Variants in LRRTM4 observed in about 807,000 individuals in gnomAD.
The protein encoded by LRRTM4 is leucine-rich repeat transmembrane neuronal protein 4.
A neutral mutation model predicts 47.6 loss-of-function variants in LRRTM4; 25 were observed. That is an observed-to-expected ratio of 0.53 (90% CI 0.38 to 0.73). LRRTM4 has a LOEUF of 0.73. LRRTM4 is among the 30% of genes least tolerant of loss of function. LRRTM4 has a pLI of 0.00. For missense variants in LRRTM4, 638 were observed against 713.4 expected (o/e 0.89, Z 1.20); for synonymous variants, 311 against 269.5 (o/e 1.15, Z -1.51).
intron 3 of LRRTM4, among the ~76,000 whole-genome samples, chr2:77,125,709 A>G (rs1671636548): frequency 6.6e-6 from 1 of 152,078 alleles, no homozygotes; most frequent in Admixed American, 6.6e-5. Flanking sequence ...AATATATCAA[A>G]ATATAAACAA....
intron 3 of LRRTM4, among the ~76,000 whole-genome samples, chr2:77,505,855 A>G (rs545921218): frequency 6.6e-6 from 1 of 151,688 alleles, no homozygotes; most frequent in East Asian, 1.9e-4. Context: ...TTTTTATAAT[A>G]TTTCCTTTTG....
At chr2:76,850,390 T>G (rs1033541779) in intron 3 of LRRTM4, among the ~76,000 whole-genome samples, 1 of 152,116 alleles carries the variant, frequency 6.6e-6, no homozygotes, top group African/African-American at 2.4e-5. Flanking sequence ...AACACTGCAT[T>G]AGAACTGTAA....
intron 3 of LRRTM4, among the ~76,000 whole-genome samples, chr2:77,013,775 A>T (rs1573451671): frequency 6.6e-6 from 1 of 152,196 alleles, no homozygotes; most frequent in South Asian, 2.1e-4. Flanking sequence ...CAACTCAGAT[A>T]AAATATTGAA....
intron 3 of LRRTM4, among the ~76,000 whole-genome samples, chr2:77,337,828 G>C (rs906231366): frequency 6.6e-6 from 1 of 152,018 alleles, no homozygotes; most frequent in African/African-American, 2.4e-5. Context: ...CAAAGTCGGA[G>C]GCATCACTTT....
At chr2:77,164,508 T>C (rs561794025) in intron 3 of LRRTM4, among the ~76,000 whole-genome samples, 1 of 152,276 alleles carries the variant, frequency 6.6e-6, no homozygotes, top group South Asian at 2.1e-4. Flanking sequence ...GAATATACAT[T>C]CTTCTCAGCA....
intron 3 of LRRTM4, among the ~76,000 whole-genome samples, chr2:77,200,171 A>G (rs1013344117): frequency 6.6e-6 from 1 of 152,120 alleles, no homozygotes; most frequent in Non-Finnish European, 1.5e-5. Context: ...TCTTGTGATT[A>G]ATGGTCCCTG....
intron 3 of LRRTM4, among the ~76,000 whole-genome samples, chr2:77,200,810 T>TAA (rs1673952782): frequency 6.6e-6 from 1 of 152,118 alleles, no homozygotes; most frequent in South Asian, 2.1e-4. Context: ...ACTGTTCTCC[T>TAA]TTACCTCATT....
At position 77,176,150 on chromosome 2, in the gene LRRTM4, A is replaced by G. The variant is rs567238129; in HGVS notation, c.1551+342168T>C. On this transcript the variant is annotated intron_variant, in intron 3 of 3. Coordinates refer to ENST00000409884, the MANE Select transcript of LRRTM4 (RefSeq NM_001134745.3). Reference sequence around the variant, plus strand: ...AAATTAGGGATGTTTGTGTGAATAAAGTTATTTGATGAGATTAAAGCAGCC... The same window carrying G: ...AAATTAGGGATGTTTGTGTGAATAAGGTTATTTGATGAGATTAAAGCAGCC... Among the ~76,000 whole-genome samples the G allele has an allele frequency of 1.5e-4, 23 of 152,256 alleles. No homozygotes were observed. The South Asian group carries it at 1.7e-3, about 11-fold the overall frequency.
chr2:77,115,774 A>T (rs1296587789), intron 3 of LRRTM4, among the ~76,000 whole-genome samples: 1 of 152,206 alleles, frequency 6.6e-6, no homozygotes, highest in African/African-American at 2.4e-5. Flanking sequence ...CAAATTTTTG[A>T]TATCTATAGA....
intron 3 of LRRTM4, among the ~76,000 whole-genome samples, chr2:77,058,999 A>G (rs572534516): frequency 6.6e-6 from 1 of 152,274 alleles, no homozygotes; most frequent in African/African-American, 2.4e-5. Context: ...AGTGACTTTT[A>G]CAAATTTTTT....
At chr2:77,343,976 T>G (rs1420058943) in intron 3 of LRRTM4, among the ~76,000 whole-genome samples, 1 of 151,694 alleles carries the variant, frequency 6.6e-6, no homozygotes, top group Non-Finnish European at 1.5e-5. Context: ...AGTGGAGAAA[T>G]AGAACGAAGG....
intron 3 of LRRTM4, among the ~76,000 whole-genome samples, chr2:77,330,039 G>A (rs1185409322): frequency 6.6e-6 from 1 of 152,102 alleles, no homozygotes; most frequent in Non-Finnish European, 1.5e-5. Context: ...GACCATGGAA[G>A]GCAGGCTCAG....
At chr2:77,146,061 C>T (rs910740222) in intron 3 of LRRTM4, among the ~76,000 whole-genome samples, 7 of 151,970 alleles carry the variant, frequency 4.6e-5, no homozygotes, top group Admixed American at 3.3e-4. Flanking sequence ...ATATTCAGAC[C>T]CTCTCTGTTG....
At chr2:77,407,731 T>G (rs897109025) in intron 3 of LRRTM4, among the ~76,000 whole-genome samples, 11 of 142,780 alleles carry the variant, frequency 7.7e-5, no homozygotes, top group East Asian at 2.0e-4. Context: ...TATTATATAT[T>G]ATATATTATA....
chr2:77,200,984 C>A (rs1673958238), intron 3 of LRRTM4, among the ~76,000 whole-genome samples: 1 of 152,220 alleles, frequency 6.6e-6, no homozygotes, highest in Middle Eastern at 3.4e-3. Flanking sequence ...GCGGCAAAGT[C>A]CCTTTTAAAT....
chr2:76,974,207 T>TACATATATATAC (rs1390127604), intron 3 of LRRTM4, among the ~76,000 whole-genome samples: 6 of 83,032 alleles, frequency 7.2e-5, no homozygotes, highest in African/African-American at 3.3e-4. Flanking sequence ...CATATATATA[T>TACATATATATAC]ATACACATAT....
chr2:77,019,048 A>G (rs936496657), intron 3 of LRRTM4, among the ~76,000 whole-genome samples: 9 of 152,030 alleles, frequency 5.9e-5, no homozygotes, highest in African/African-American at 2.2e-4. Context: ...CTAGTCTCAA[A>G]TCTCACACAT....
chr2:77,261,729 T>C (rs1675924727), intron 3 of LRRTM4, among the ~76,000 whole-genome samples: 1 of 152,246 alleles, frequency 6.6e-6, no homozygotes, highest in East Asian at 1.9e-4. Context: ...TATTGATATT[T>C]GTGTAAAAAT....
intron 3 of LRRTM4, among the ~76,000 whole-genome samples, chr2:77,299,711 G>A (rs1677076643): frequency 6.6e-6 from 1 of 152,030 alleles, no homozygotes; most frequent in South Asian, 2.1e-4. Flanking sequence ...AAGAGGGCAA[G>A]AAATCTCAAG....
Sources: allele counts gnomAD v4.1 joint callset (sites outside exome capture counted in the v4.1 genomes callset), GRCh38; gene constraint gnomAD v4.1.1; transcripts MANE v1.5; gene names NCBI Gene and HGNC (gene_info 2026-07-23, HGNC 2026-07-21).